The following CEP170B variants were observed in gnomAD, a reference collection of about 807,000 sequenced individuals.
CEP170B encodes the protein centrosomal protein 170B.
Under a neutral mutation model 120.6 loss-of-function variants are expected in CEP170B, and 55 were observed. That is an observed-to-expected ratio of 0.46 (90% CI 0.37 to 0.57). The LOEUF is 0.57. CEP170B is among the 20% of genes least tolerant of loss of function. The pLI is 0.00. For synonymous variants in CEP170B, 1,033 were observed against 954.5 expected (o/e 1.08, Z -1.52); for missense variants, 2,212 against 2,253.3 (o/e 0.98, Z 0.37).
chr14:104,872,715 G>T (rs1595313820), intron 2 of CEP170B, among the ~76,000 whole-genome samples: 1 of 152,126 alleles, frequency 6.6e-6, no homozygotes, highest in Non-Finnish European at 1.5e-5. Flanking sequence ...TCTGCTGCGG[G>T]TGCCTGTGGC....
Position 104,884,059 on chromosome 14 carries a change from C to T in CEP170B, c.1280C>T (p.Ser427Phe). The change falls in exon 9 of 19, where the codon TCC (serine) becomes TTC (phenylalanine). Residue 427 changes from serine (S) to phenylalanine (F), a missense_variant. Ser to Phe is a radical substitution (Grantham distance 155, BLOSUM62 -2). Coordinates refer to ENST00000414716, the MANE Select transcript of CEP170B (RefSeq NM_001112726.3). ...KRSQSFTHSP[S>F]GDPKADKRRG... ...TCCCAGTCCTTCACGCACAGCCCGT[C>T]CGGGGACCCCAAGGCCGACAAGCGC... The T allele has an allele frequency of 1.2e-6, 2 of 1,608,374 alleles. No homozygotes were observed. The highest frequency in any genetic ancestry group is 1.7e-6 in the Non-Finnish European group (2 of 1,177,630).
chr14:104,875,674 C>T (rs765657609), intron 2 of CEP170B, among the ~76,000 whole-genome samples: 4 of 152,156 alleles, frequency 2.6e-5, no homozygotes, highest in Non-Finnish European at 4.4e-5. Context: ...TCCGTCTCCC[C>T]ATGCCCCAGT....
At chr14:104,878,875 G>A (rs1188008239) in intron 5 of CEP170B, among the ~76,000 whole-genome samples, 1 of 152,242 alleles carries the variant, frequency 6.6e-6, no homozygotes, top group East Asian at 1.9e-4. Context: ...GGCGGATTTA[G>A]CTGTGGCTCA....
At chr14:104,893,386 A>G in intron 14 of CEP170B, 137 bp from the exon 15 acceptor site, 1 of 1,159,982 alleles carries the variant, frequency 8.6e-7, no homozygotes, top group Non-Finnish European at 1.2e-6. Context: ...ATGGCGGGGC[A>G]GGGGCACAGG....
chr14:104,871,140 G>T (rs1895461312), intron 2 of CEP170B, among the ~76,000 whole-genome samples: 1 of 152,146 alleles, frequency 6.6e-6, no homozygotes, highest in South Asian at 2.1e-4. Context: ...ATGCTCAGGG[G>T]CCTCAGTGGC....
At chr14:104,879,709 A>T (rs1896043549) in intron 5 of CEP170B, among the ~76,000 whole-genome samples, 1 of 152,180 alleles carries the variant, frequency 6.6e-6, no homozygotes, top group African/African-American at 2.4e-5. Context: ...AGGGGTGGGC[A>T]TCCTTGCGTG....
chr14:104,874,761 C>A (rs1283144512), intron 2 of CEP170B, among the ~76,000 whole-genome samples: 2 of 151,786 alleles, frequency 1.3e-5, no homozygotes. Context: ...CCCCGGTCCT[C>A]CTCTGCAGCG....
In CEP170B at chr14:104,884,576, C is replaced by T. The variant is rs371961088; in HGVS notation, c.1770+27C>T. 8.6e-4 allele frequency: 1,308 copies of T among 1,528,926 alleles called. 6 individuals are homozygous for T. The African/African-American group carries it at 0.011, about 12-fold the overall frequency. 94.7% of individuals were successfully genotyped at this position (1,528,926 alleles called of 1,614,324 possible). The stretch of plus-strand genomic sequence containing the variant: ...TGCAGCCCAGCGGCGAGTGAGAGCC[C>T]TCGTGGGGAACGGGGGGGTGGAGGC... On this transcript the variant is annotated intron_variant, in intron 9 of 18. Transcript: ENST00000414716.
At chr14:104,877,290 C>T (rs1335156448) in intron 3 of CEP170B, among the ~76,000 whole-genome samples, 2 of 152,186 alleles carry the variant, frequency 1.3e-5, no homozygotes, top group Non-Finnish European at 2.9e-5. Context: ...AGAGGGTCCC[C>T]GGGGTTGTTG....
At chr14:104,889,019 G>A (rs887078061) in intron 12 of CEP170B, among the ~76,000 whole-genome samples, 10 of 152,234 alleles carry the variant, frequency 6.6e-5, no homozygotes, top group Non-Finnish European at 1.5e-4. Flanking sequence ...CTGGTGAGGA[G>A]GCCAGGACTC....
chr14:104,893,161 C>T, intron 14 of CEP170B, 26 bp downstream of exon 14: 1 of 1,598,470 alleles, frequency 6.3e-7, no homozygotes, highest in African/African-American at 1.3e-5. Context: ...TCTGAGGCCC[C>T]TGTGCCAGAG....
intron 13 of CEP170B, among the ~76,000 whole-genome samples, chr14:104,890,259 T>C: frequency 8.0e-6 from 1 of 124,872 alleles, no homozygotes. Context: ...GGTGGATGGA[T>C]GGATGGATGG....
rs997394450 is a variant in CEP170B, at chr14:104,870,199, C to T, written c.105+1644C>T. ...GCCGTGGTGAGGGGCAGCCAGGGAGCGAGCGTGGGCGACCGAGGTGGGCGC... is the reference window on the plus strand; with the variant it reads ...GCCGTGGTGAGGGGCAGCCAGGGAGTGAGCGTGGGCGACCGAGGTGGGCGC... On this transcript the variant is annotated intron_variant, in intron 2 of 18. Transcript: ENST00000414716. The surrounding 1 kb of genome is among the most constrained non-coding windows in gnomAD (Gnocchi z 4.1). Among the ~76,000 whole-genome samples the T allele has an allele frequency of 1.3e-5, 2 of 152,164 alleles. No homozygotes were observed. The highest frequency in any genetic ancestry group is 2.4e-5 in the African/African-American group (1 of 41,436).
chr14:104,872,423 C>CGTGTG (rs1566852626), intron 2 of CEP170B, among the ~76,000 whole-genome samples: 3 of 59,224 alleles, frequency 5.1e-5, no homozygotes, highest in Admixed American at 2.2e-4. Flanking sequence ...CGTGGGTGTG[C>CGTGTG]CGTGCGTGTG....
At chr14:104,885,923 GGC>G in intron 10 of CEP170B, 115 bp from the exon 11 acceptor site, 1 of 900,270 alleles carries the variant, frequency 1.1e-6, no homozygotes, top group South Asian at 1.8e-5. Context: ...GGCCCTGGGT[GGC>G]GCGCATGCGT....
chr14:104,883,417 G>C lies in CEP170B; in HGVS notation c.960G>C (p.Gln320His), dbSNP rs757124762. The change falls in exon 8 of 19, where the codon CAG becomes CAC. Residue 320 changes from glutamine to histidine, a missense_variant. Gln to His is a conservative substitution (Grantham distance 24, BLOSUM62 0). Transcript: ENST00000414716. ...CCAAGGTGGCCGACTGGCTGGTGCA[G>C]AATGACCCGAGCCTGCTGCACCGGG... Reference protein sequence around the residue: ...AETKVADWLVQNDPSLLHRVG... With the variant: ...AETKVADWLVHNDPSLLHRVG... 2.6e-5 allele frequency: 41 copies of C among 1,577,172 alleles called. No individual in the cohort carries two copies. The East Asian group carries it at 8.9e-4, about 34-fold the overall frequency.
intron 9 of CEP170B, among the ~76,000 whole-genome samples, chr14:104,885,114 G>A (rs1439481878): frequency 1.3e-5 from 2 of 152,058 alleles, no homozygotes; most frequent in African/African-American, 4.8e-5. Flanking sequence ...CCCAGCCCTG[G>A]CTCCTGCCTC....
At position 104,893,125 on chromosome 14, in the gene CEP170B, C is replaced by T; in HGVS notation, c.4028C>T (p.Ala1343Val). 1.2e-6 allele frequency: 2 copies of T among 1,608,804 alleles called. No homozygotes were observed. Among genetic ancestry groups the T allele is most frequent in the Non-Finnish European group, 1.7e-6 (2 of 1,178,966 alleles). ...MPSTPASTIS[A>V]REELVQRIPE... ...AGCACCCCCGCCTCGACCATCTCTG[C>T]CCGGGAGGAGGTGAGCCCCAGGCTT... The change falls in exon 14 of 19, where the codon GCC (alanine) becomes GTC (valine). Residue 1343 changes from alanine to valine, a missense_variant. Ala to Val is a moderately conservative substitution (Grantham distance 64, BLOSUM62 0). Around this residue, in one of 2 missense-constraint regions of CEP170B, gnomAD observed 2,166 missense variants for 2,166.7 expected, o/e 1.00. Coordinates refer to ENST00000414716, the MANE Select transcript of CEP170B (RefSeq NM_001112726.3).
rs1246918359 is a variant in CEP170B at position 104,895,272 on chromosome 14, T to TTTTTGTTATTTA, written c.*320_*321insTATTTATTTTGT. The TTTTTGTTATTTA allele has an allele frequency of 5.7e-6, 2 of 351,580 alleles. No homozygotes were observed. Among genetic ancestry groups the TTTTTGTTATTTA allele is most frequent in the Non-Finnish European group, 1.0e-5 (2 of 194,996 alleles). The allele number at this position is 351,580 out of a possible 1,614,324, so 21.8% of individuals were successfully genotyped here. A position where few individuals can be genotyped will look rare whatever the true frequency, so the allele number is the denominator to read the frequency against. On this transcript the variant is annotated 3_prime_UTR_variant, in exon 19 of 19. Transcript: ENST00000414716. ...CCCCGCCTCCTCTTCATCACTGTTA[T>TTTTTGTTATTTA]TTTTGTCTTTAGCTTTAAAGGAAAG...
Sources: gnomAD v4.1 joint callset for allele counts (sites outside exome capture counted in the v4.1 genomes callset) on GRCh38, gnomAD v4.1.1 for gene constraint, gnomAD v4.1.1 regional missense constraint, Gnocchi (gnomAD v3.1) non-coding constraint, MANE v1.5 for transcripts, NCBI Gene and HGNC (gene_info 2026-07-23, HGNC 2026-07-21) for gene names.